Variants in CPEB3 observed in about 807,000 individuals in gnomAD.
The protein encoded by CPEB3 is cytoplasmic polyadenylation element binding protein 3.
Under a neutral mutation model 67.2 loss-of-function variants are expected in CPEB3, and 20 were observed. The ratio of observed to expected loss-of-function variants is 0.30; its 90% CI spans 0.21 to 0.43. The LOEUF is 0.43. Among genes scored for constraint, CPEB3 ranks in the 20% least tolerant of loss-of-function variants. The pLI, the probability that CPEB3 is intolerant of heterozygous loss-of-function variation, is 1.00. For synonymous variants in CPEB3, 376 were observed against 393.1 expected, an observed-to-expected ratio of 0.96 and a Z score of 0.51; for missense variants, 746 against 968.6, an observed-to-expected ratio of 0.77 and a Z score of 3.05.
intron 2 of CPEB3, among the ~76,000 whole-genome samples, chr10:92,220,936 G>A (rs1850670619): frequency 6.6e-6 from 1 of 152,158 alleles, no homozygotes; most frequent in Non-Finnish European, 1.5e-5. Flanking sequence ...GTGAGACCCA[G>A]GAACTAGGCC....
intron 4 of CPEB3, among the ~76,000 whole-genome samples, chr10:92,147,451 G>T (rs1254384452): frequency 6.6e-6 from 1 of 151,344 alleles, no homozygotes; most frequent in African/African-American, 2.4e-5. Flanking sequence ...GTGAGGCCCT[G>T]TCTCAAAAAA....
At chr10:92,224,615 TC>T (rs1850872418) in intron 2 of CPEB3, among the ~76,000 whole-genome samples, 1 of 151,846 alleles carries the variant, frequency 6.6e-6, no homozygotes, top group Non-Finnish European at 1.5e-5. Context: ...ATGCCTGTAA[TC>T]CCAGCACTTT....
chr10:92,222,240 T>C (rs555342395), intron 2 of CPEB3, among the ~76,000 whole-genome samples: 2 of 152,042 alleles, frequency 1.3e-5, no homozygotes, highest in South Asian at 2.1e-4. Context: ...TCTTCTTATG[T>C]TGCCCAGGCT....
In CPEB3 at chr10:92,258,627, T is replaced by C. The variant is rs199901419; in HGVS notation, c.-11-18266A>G. Among the ~76,000 whole-genome samples, 16 of 5,066 alleles carry C rather than the reference T, an allele frequency of 3.2e-3. 1 individual carries two copies. Among genetic ancestry groups the C allele is most frequent in the African/African-American group, 7.6e-3 (14 of 1,848 alleles). 3.3% of individuals were successfully genotyped at this position (5,066 alleles called of 152,430 possible). On this transcript the variant is annotated intron_variant, in intron 1 of 9. Coordinates refer to ENST00000265997, the MANE Select transcript of CPEB3 (RefSeq NM_014912.5). ...CCAGACTTCAATTATATTTTTTGAA[T>C]ATATATATATATATATATATATATA...
intron 2 of CPEB3, among the ~76,000 whole-genome samples, chr10:92,238,626 GAA>G (rs36036680): frequency 0.031 from 4,403 of 142,576 alleles, 182 homozygotes; most frequent in African/African-American, 0.098. Flanking sequence ...TCTTACCTCC[GAA>G]AAAAAAAAAA....
At chr10:92,156,698 CT>C (rs1564824414) in intron 4 of CPEB3, among the ~76,000 whole-genome samples, 1 of 152,128 alleles carries the variant, frequency 6.6e-6, no homozygotes, top group South Asian at 2.1e-4. Context: ...TAGGCTTTAA[CT>C]TTTTTAAATT....
intron 1 of CPEB3, among the ~76,000 whole-genome samples, chr10:92,258,628 ATATATATATATATATATAT>A (rs1436977140): frequency 0.05 from 4,197 of 84,170 alleles, 335 homozygotes; most frequent in Middle Eastern, 0.054. Flanking sequence ...TTTTTTGAAT[ATATATATATATATATATAT>A]ATATATATAT....
chr10:92,257,702 T>C (rs1479212314), intron 1 of CPEB3, among the ~76,000 whole-genome samples: 1 of 150,778 alleles, frequency 6.6e-6, no homozygotes, highest in Non-Finnish European at 1.5e-5. Context: ...CCTGATAATG[T>C]AATAATGTAG....
chr10:92,076,012 A>T (rs1156268155), intron 9 of CPEB3, among the ~76,000 whole-genome samples: 15 of 152,164 alleles, frequency 9.9e-5, no homozygotes, highest in Admixed American at 9.8e-4. Flanking sequence ...CATTGTTCCA[A>T]CACTTAATGA....
chr10:92,243,022 T>C (rs1269860031), intron 1 of CPEB3: 2 of 152,342 alleles, frequency 1.3e-5, no homozygotes, highest in East Asian at 1.9e-4. Flanking sequence ...TTTTGTTTTT[T>C]TGGGTTTTTT....
rs746809792 is a variant in CPEB3 at position 92,052,206 on chromosome 10, C to T, written c.*6G>A. 30 of 1,609,692 alleles carry T rather than the reference C, an allele frequency of 1.9e-5. No homozygotes were observed. In the Middle Eastern group the frequency reaches 5.2e-4, roughly 28 times the overall value. On this transcript the variant is annotated 3_prime_UTR_variant, in exon 10 of 10. Transcript: ENST00000265997. ...TCCAGTACTTGTGGCTGGGTCGGCC[C>T]GTGGCTCAGCTCCAGCGGAACGGGA... is the stretch of plus-strand genomic sequence containing the variant.
chr10:92,167,644 G>A (rs1346748984), intron 4 of CPEB3, among the ~76,000 whole-genome samples: 1 of 152,024 alleles, frequency 6.6e-6, no homozygotes, highest in African/African-American at 2.4e-5. Flanking sequence ...CAGTGGCTCA[G>A]GCCTGTAATC....
rs1852144116 is a variant in CPEB3 at position 92,047,308 on chromosome 10, G to A, written c.*4904C>T. The A allele has an allele frequency of 6.6e-6, 1 of 150,498 alleles. No homozygotes were observed. Among genetic ancestry groups the A allele is most frequent in the South Asian group, 2.1e-4 (1 of 4,778 alleles). 9.3% of individuals were successfully genotyped at this position (150,498 alleles called of 1,614,324 possible). A position where few individuals can be genotyped will look rare whatever the true frequency, so the allele number is the denominator to read the frequency against. ...TAGCTGACATACCATACAAGCTAGT[G>A]AAAAGCAACAATCCATTCAAATAAG... is the stretch of plus-strand genomic sequence containing the variant. On this transcript the variant is annotated 3_prime_UTR_variant, in exon 10 of 10. Coordinates refer to ENST00000265997, the MANE Select transcript of CPEB3 (RefSeq NM_014912.5).
intron 1 of CPEB3, among the ~76,000 whole-genome samples, chr10:92,273,213 A>G (rs912666532): frequency 1.3e-5 from 2 of 152,098 alleles, no homozygotes; most frequent in Non-Finnish European, 2.9e-5. Context: ...TTTCCCATCT[A>G]TGCCCTTTGT....
intron 2 of CPEB3, among the ~76,000 whole-genome samples, chr10:92,227,984 T>C (rs1318942175): frequency 1.3e-5 from 2 of 152,150 alleles, no homozygotes; most frequent in Non-Finnish European, 2.9e-5. Flanking sequence ...ACCTCCCGGA[T>C]TCAAGCTATT....
chr10:92,052,959 A>C (rs1458244886), intron 9 of CPEB3, among the ~76,000 whole-genome samples: 1 of 152,204 alleles, frequency 6.6e-6, no homozygotes, highest in Non-Finnish European at 1.5e-5. Flanking sequence ...GCCAGGCCCG[A>C]GGGCAAGAGG....
intron 4 of CPEB3, among the ~76,000 whole-genome samples, chr10:92,163,366 G>A (rs984005892): frequency 1.6e-4 from 25 of 152,022 alleles, no homozygotes; most frequent in African/African-American, 4.8e-4. Flanking sequence ...CCCGGGAGGC[G>A]GAGGTTGCAG....
intron 2 of CPEB3, among the ~76,000 whole-genome samples, chr10:92,218,554 G>A (rs765452241): frequency 2.0e-4 from 30 of 152,216 alleles, no homozygotes; most frequent in Non-Finnish European, 8.8e-5. Flanking sequence ...ATGTGCATAT[G>A]TGTATGCCTA....
At chr10:92,111,990 A>C (rs1236250271) in intron 6 of CPEB3, among the ~76,000 whole-genome samples, 1 of 152,182 alleles carries the variant, frequency 6.6e-6, no homozygotes, top group Non-Finnish European at 1.5e-5. Context: ...GTCTAGAAAA[A>C]TGGACATTAG....
Sources: gnomAD v4.1 joint callset for allele counts (sites outside exome capture counted in the v4.1 genomes callset) on GRCh38, gnomAD v4.1.1 for gene constraint, MANE v1.5 for transcripts, NCBI Gene and HGNC (gene_info 2026-07-23, HGNC 2026-07-21) for gene names.